The following SLC8A1 variants were observed in gnomAD, a reference collection of about 807,000 sequenced individuals.
The protein encoded by SLC8A1 is solute carrier family 8 member A1.
A neutral mutation model predicts 68.3 loss-of-function variants in SLC8A1; 18 were observed. The ratio of observed to expected loss-of-function variants is 0.26; its 90% CI spans 0.18 to 0.39. SLC8A1 has a LOEUF of 0.39. Among genes scored for constraint, SLC8A1 ranks in the 10% least tolerant of loss-of-function variants. The probability of loss-of-function intolerance (pLI) is 1.00; values close to 1 mark genes in which losing one functional copy is unlikely to be tolerated. For synonymous variants in SLC8A1, 475 were observed against 415.5 expected (o/e 1.14, Z -1.74); for missense variants, 985 against 1,156.7 (o/e 0.85, Z 2.15).
chr2:40,504,499 A>G (rs559244295), intron 1 of SLC8A1, among the ~76,000 whole-genome samples: 19 of 152,184 alleles, frequency 1.2e-4, no homozygotes, highest in Non-Finnish European at 2.4e-4. Context: ...AGCAAATAAT[A>G]CAATCAACAA....
At chr2:40,153,087 T>A (rs181639847) in intron 6 of SLC8A1, among the ~76,000 whole-genome samples, 33 of 152,206 alleles carry the variant, frequency 2.2e-4, no homozygotes, top group South Asian at 4.1e-4. Context: ...GCTTACATTT[T>A]AAAAAAATAT....
intron 2 of SLC8A1, among the ~76,000 whole-genome samples, chr2:40,312,750 G>T (rs1049888572): frequency 6.6e-6 from 1 of 152,062 alleles, no homozygotes; most frequent in Non-Finnish European, 1.5e-5. Context: ...GAACCATGGT[G>T]TGCCAGATAT....
chr2:40,098,502 C>A (rs1163408485), exon 8 of SLC8A1: 1 of 151,886 alleles, frequency 6.6e-6, no homozygotes, highest in Non-Finnish European at 1.5e-5. Flanking sequence ...AATTATATGG[C>A]AATTTTCATC....
At chr2:40,456,741 A>G (rs897375051), upstream of SLC8A1, among the ~76,000 whole-genome samples, 4 of 152,244 alleles carry the variant, frequency 2.6e-5, no homozygotes, top group Admixed American at 6.5e-5. Context: ...TATTACTGGT[A>G]AAGTTTCATA....
chr2:40,295,585 C>A (rs1244039954), intron 2 of SLC8A1, among the ~76,000 whole-genome samples: 2 of 152,028 alleles, frequency 1.3e-5, no homozygotes, highest in Non-Finnish European at 2.9e-5. Flanking sequence ...TACAGAAAGT[C>A]ATTTATGTGC....
upstream of SLC8A1, among the ~76,000 whole-genome samples, chr2:40,455,926 C>T (rs751501892): frequency 2.0e-5 from 3 of 150,688 alleles, no homozygotes; most frequent in Admixed American, 6.6e-5. Context: ...TCTGCATTAC[C>T]GTGGGGTCAA....
intron 2 of SLC8A1, among the ~76,000 whole-genome samples, chr2:40,337,818 G>C (rs150285202): frequency 6.6e-6 from 1 of 152,248 alleles, no homozygotes; most frequent in East Asian, 1.9e-4. Flanking sequence ...CCGAAGTACA[G>C]GATAAACATT....
intron 1 of SLC8A1, among the ~76,000 whole-genome samples, chr2:40,478,511 A>G (rs1704430926): frequency 6.6e-6 from 1 of 152,208 alleles, no homozygotes; most frequent in South Asian, 2.1e-4. Context: ...TAGCTAGTCA[A>G]ATGTGCTGTC....
intron 2 of SLC8A1, among the ~76,000 whole-genome samples, chr2:40,320,529 G>A (rs2075061504): frequency 1.3e-5 from 2 of 152,114 alleles, no homozygotes; most frequent in South Asian, 2.1e-4. Context: ...AAGGAAGAAT[G>A]GGATTTGCCT....
chr2:40,287,482 A>G (rs964572905), intron 2 of SLC8A1, among the ~76,000 whole-genome samples: 1 of 152,066 alleles, frequency 6.6e-6, no homozygotes, highest in South Asian at 2.1e-4. Flanking sequence ...TATTGTTCCA[A>G]TAAGAATAAT....
intron 2 of SLC8A1, among the ~76,000 whole-genome samples, chr2:40,196,525 C>A (rs564401304): frequency 2.0e-5 from 3 of 152,024 alleles, no homozygotes; most frequent in East Asian, 3.9e-4. Context: ...TTGTCGTTAT[C>A]ATCAAATCAG....
intron 2 of SLC8A1, among the ~76,000 whole-genome samples, chr2:40,410,642 T>C (rs2160238): frequency 0.084 from 12,816 of 151,742 alleles, 1,260 homozygotes; most frequent in East Asian, 0.45. Context: ...ATGTACACTA[T>C]AGTTAAATCC....
chr2:40,314,043 G>T (rs2074105804), intron 2 of SLC8A1, among the ~76,000 whole-genome samples: 1 of 151,938 alleles, frequency 6.6e-6, no homozygotes, highest in South Asian at 2.1e-4. Context: ...TTTAAAAATA[G>T]ATAATGTTTT....
chr2:40,190,825 G>A (rs1174752821), intron 2 of SLC8A1: 1 of 151,898 alleles, frequency 6.6e-6, no homozygotes, highest in Non-Finnish European at 1.5e-5. Context: ...AAGTCTTCTG[G>A]GCATCCCACT....
chr2:40,342,284 C>T (rs532465167), intron 2 of SLC8A1, among the ~76,000 whole-genome samples: 2 of 152,232 alleles, frequency 1.3e-5, no homozygotes, highest in South Asian at 2.1e-4. Context: ...TCTGCAAATG[C>T]TCTTTAAACT....
intron 2 of SLC8A1, among the ~76,000 whole-genome samples, chr2:40,375,986 G>T (rs1384799777): frequency 6.6e-6 from 1 of 152,030 alleles, no homozygotes. Flanking sequence ...GGGTGACAGA[G>T]CAAGACCCTG....
intron 4 of SLC8A1, among the ~76,000 whole-genome samples, chr2:40,173,769 T>C (rs1163611456): frequency 6.6e-6 from 1 of 152,216 alleles, no homozygotes; most frequent in Non-Finnish European, 1.5e-5. Flanking sequence ...TGGCACAATA[T>C]ATTGGAAGAT....
intron 2 of SLC8A1, among the ~76,000 whole-genome samples, chr2:40,244,451 C>T (rs2148984146): frequency 6.6e-6 from 1 of 152,046 alleles, no homozygotes. Context: ...TAATGTCACC[C>T]CAGGGGAAGA....
chr2:40,401,623 T>G (rs1344078314), intron 2 of SLC8A1, among the ~76,000 whole-genome samples: 1 of 117,918 alleles, frequency 8.5e-6, no homozygotes, highest in African/African-American at 3.5e-5. Context: ...GTTCTTAATA[T>G]GTATTTTTTG....
Sources: allele counts gnomAD v4.1 joint callset (sites outside exome capture counted in the v4.1 genomes callset), GRCh38; gene constraint gnomAD v4.1.1; transcripts MANE v1.5; gene names NCBI Gene and HGNC (gene_info 2026-07-23, HGNC 2026-07-21).